The following STK32A variants were observed in gnomAD, a reference collection of about 807,000 sequenced individuals.
STK32A encodes the protein serine/threonine-protein kinase 32A.
In STK32A, 41 loss-of-function variants were observed where a neutral mutation model predicts 53.2. The observed-to-expected ratio is 0.77, with a 90% CI of 0.60 to 1.00. The LOEUF is 1.00. Among genes scored for constraint, STK32A ranks in the 50% least tolerant of loss-of-function variants. The probability of loss-of-function intolerance (pLI) is 0.00; values close to 1 mark genes in which losing one functional copy is unlikely to be tolerated. For synonymous variants in STK32A, 166 were observed against 162.8 expected (o/e 1.02, Z -0.15); for missense variants, 458 against 485.8 (o/e 0.94, Z 0.54).
chr5:147,393,863 T>C, the STK32A span: 1 of 675,436 alleles, frequency 1.5e-6, no homozygotes, highest in Non-Finnish European at 2.5e-6. Context: ...CAAAGCAATA[T>C]TCGTAAAGCT....
intron 2 of STK32A, among the ~76,000 whole-genome samples, chr5:147,276,525 T>C (rs953860294): frequency 1.3e-5 from 2 of 152,200 alleles, no homozygotes; most frequent in African/African-American, 4.8e-5. Flanking sequence ...GAAGTAATTG[T>C]TCTGGGGTTC....
At chr5:147,297,847 G>T (rs1476404784) in intron 4 of STK32A, among the ~76,000 whole-genome samples, 1 of 152,044 alleles carries the variant, frequency 6.6e-6, no homozygotes, top group Non-Finnish European at 1.5e-5. Context: ...GAATGTGGTG[G>T]CACGTGCCTG....
At chr5:147,400,800 G>A in the STK32A span, 36 of 1,614,154 alleles carry the variant, frequency 2.2e-5, no homozygotes, top group Non-Finnish European at 3.0e-5. Flanking sequence ...TGCTGAAGGT[G>A]CAGTGGGCAC....
intron 7 of STK32A, among the ~76,000 whole-genome samples, chr5:147,360,977 A>C (rs553857920): frequency 5.2e-4 from 79 of 152,220 alleles, no homozygotes; most frequent in African/African-American, 1.9e-3. Flanking sequence ...GCTGTTGTAA[A>C]ACCTTACACT....
chr5:147,325,724 A>G (rs1233371727), intron 5 of STK32A, among the ~76,000 whole-genome samples: 1 of 152,156 alleles, frequency 6.6e-6, no homozygotes, highest in Non-Finnish European at 1.5e-5. Context: ...GTTTTTTTCA[A>G]TAACTAGAAA....
chr5:147,300,323 G>C (rs2151965721), intron 4 of STK32A, among the ~76,000 whole-genome samples: 1 of 152,262 alleles, frequency 6.6e-6, no homozygotes, highest in East Asian at 1.9e-4. Context: ...CAAGAATCCT[G>C]ACTTCAAAGC....
intron 2 of STK32A, among the ~76,000 whole-genome samples, chr5:147,259,623 C>T (rs1245866178): frequency 6.6e-6 from 1 of 152,058 alleles, no homozygotes; most frequent in Non-Finnish European, 1.5e-5. Context: ...ATACATGTGC[C>T]ACGTTGGTGT....
At chr5:147,257,245 C>T (rs1342263843) in intron 2 of STK32A, among the ~76,000 whole-genome samples, 1 of 128,210 alleles carries the variant, frequency 7.8e-6, no homozygotes, top group African/African-American at 3.0e-5. Context: ...AGCTCTACGT[C>T]GGGGGCGGGG....
At chr5:147,322,294 A>G (rs1754360824) in intron 4 of STK32A, among the ~76,000 whole-genome samples, 1 of 152,220 alleles carries the variant, frequency 6.6e-6, no homozygotes, top group African/African-American at 2.4e-5. Flanking sequence ...TCTAAGAGCT[A>G]AATTTTTCCA....
intron 1 of STK32A, among the ~76,000 whole-genome samples, chr5:147,238,204 A>C (rs1012121947): frequency 1.8e-4 from 27 of 152,270 alleles, no homozygotes; most frequent in African/African-American, 6.5e-4. Context: ...GATAGATCTG[A>C]AGATCTGGGC....
At chr5:147,357,697 G>A (rs1237184801) in intron 7 of STK32A, among the ~76,000 whole-genome samples, 1 of 151,854 alleles carries the variant, frequency 6.6e-6, no homozygotes, top group Non-Finnish European at 1.5e-5. Context: ...TTTTAGATGT[G>A]TTTGCTTAAT....
At chr5:147,298,111 G>T (rs1204609145) in intron 4 of STK32A, among the ~76,000 whole-genome samples, 4 of 152,054 alleles carry the variant, frequency 2.6e-5, no homozygotes, top group African/African-American at 9.7e-5. Context: ...TTCTGTAGTT[G>T]TTTCATTTGT....
intron 2 of STK32A, among the ~76,000 whole-genome samples, chr5:147,250,598 G>C (rs1322294493): frequency 6.6e-6 from 1 of 152,158 alleles, no homozygotes; most frequent in African/African-American, 2.4e-5. Context: ...TTAGTGGAGT[G>C]TGGAGGCCTG....
intron 2 of STK32A, among the ~76,000 whole-genome samples, chr5:147,251,592 CA>C (rs1306122977): frequency 6.6e-6 from 1 of 152,136 alleles, no homozygotes; most frequent in Non-Finnish European, 1.5e-5. Context: ...TATAAAATTT[CA>C]AAAACAAACA....
rs757147782 is a variant in STK32A at position 147,375,184 on chromosome 5, A to C, written c.998A>C (p.Lys333Thr). The C allele has an allele frequency of 1.9e-6, 3 of 1,611,110 alleles. No homozygotes were observed. Among genetic ancestry groups the C allele is most frequent in the Non-Finnish European group, 2.5e-6 (3 of 1,178,648 alleles). ...AAGAAAAAAAAGCGTCTGGCAAAGAAGGAGAAGGATATGAGGAAATGCGAT... is the reference window on the plus strand; with the variant it reads ...AAGAAAAAAAAGCGTCTGGCAAAGACGGAGAAGGATATGAGGAAATGCGAT... ...LHKKKKRLAK[K>T]EKDMRKCDSS... The change falls in exon 11 of 13, where the codon AAG becomes ACG. Residue 333 changes from lysine (K) to threonine (T), a missense_variant. Lys to Thr is a moderately conservative substitution (Grantham distance 78). Coordinates refer to ENST00000397936, the MANE Select transcript of STK32A (RefSeq NM_001112724.2).
chr5:147,368,278 T>TA (rs1363887089), intron 8 of STK32A, among the ~76,000 whole-genome samples: 7 of 152,254 alleles, frequency 4.6e-5, no homozygotes, highest in Admixed American at 4.6e-4. Flanking sequence ...ACTTCTGAAA[T>TA]ACAACCATAT....
intron 2 of STK32A, among the ~76,000 whole-genome samples, chr5:147,259,898 T>TCCCCTCTCTCTCTCCCCTCTCTCTCTCC (rs532374404): frequency 3.6e-5 from 5 of 138,384 alleles, no homozygotes; most frequent in Admixed American, 7.2e-5. Context: ...TCTTTCTCTC[T>TCCCCTCTCTCTCTCCCCTCTCTCTCTCC]CCTCTCTCTC....
At chr5:147,353,795 T>C (rs1756096873) in intron 7 of STK32A, among the ~76,000 whole-genome samples, 1 of 152,034 alleles carries the variant, frequency 6.6e-6, no homozygotes, top group South Asian at 2.1e-4. Flanking sequence ...ACAAAAAACC[T>C]ACTCATGCTT....
At chr5:147,344,902 G>T (rs537679910) in intron 6 of STK32A, among the ~76,000 whole-genome samples, 3 of 152,182 alleles carry the variant, frequency 2.0e-5, no homozygotes, top group African/African-American at 7.2e-5. Context: ...TTTCATCCCA[G>T]GTCTCATCCA....
Sources: gnomAD v4.1 joint callset for allele counts (sites outside exome capture counted in the v4.1 genomes callset) on GRCh38, gnomAD v4.1.1 for gene constraint, MANE v1.5 for transcripts, NCBI Gene and HGNC (gene_info 2026-07-23, HGNC 2026-07-21) for gene names.